The following CDH23 variants were observed in gnomAD, a reference collection of about 807,000 sequenced individuals.
The protein encoded by CDH23 is cadherin related 23.
A neutral mutation model predicts 317.1 loss-of-function variants in CDH23; 189 were observed. The ratio of observed to expected loss-of-function variants is 0.60; its 90% CI spans 0.53 to 0.67. CDH23 has a LOEUF of 0.67. CDH23 is among the 30% of genes least tolerant of loss of function. The pLI, the probability that CDH23 is intolerant of heterozygous loss-of-function variation, is 0.00. For synonymous variants in CDH23, 1,839 were observed against 1,876.8 expected (o/e 0.98, Z 0.52); for missense variants, 4,401 against 4,592.4 (o/e 0.96, Z 1.20).
intron 11 of CDH23, among the ~76,000 whole-genome samples, chr10:71,627,775 T>A (rs1300968721): frequency 6.6e-6 from 1 of 152,212 alleles, no homozygotes; most frequent in East Asian, 1.9e-4. Flanking sequence ...CCCACACTCC[T>A]GAGCAGGGCT....
chr10:71,448,344 T>C (rs1051160718), intron 3 of CDH23, among the ~76,000 whole-genome samples: 1 of 152,220 alleles, frequency 6.6e-6, no homozygotes, highest in Non-Finnish European at 1.5e-5. Context: ...TCGATCGGCC[T>C]CCGGAAGCAG....
At chr10:71,667,393 TGTGC>T (rs1468604131) in intron 14 of CDH23, among the ~76,000 whole-genome samples, 2,412 of 103,542 alleles carry the variant, frequency 0.023, 90 homozygotes, top group African/African-American at 0.076. Context: ...TGTGTGTGTG[TGTGC>T]GCGTGTGTGT....
intron 41 of CDH23, 150 bp from the exon 42 acceptor site, chr10:71,784,137 A>T: frequency 1.4e-6 from 1 of 697,630 alleles, no homozygotes; most frequent in Non-Finnish European, 2.3e-6. Flanking sequence ...TCTCATGAGG[A>T]TCTGAAGCTG....
intron 6 of CDH23, among the ~76,000 whole-genome samples, chr10:71,558,347 T>A (rs1856972230): frequency 1.3e-5 from 2 of 152,232 alleles, no homozygotes; most frequent in Non-Finnish European, 2.9e-5. Flanking sequence ...TGTTGGATAT[T>A]CTGAACTGCT....
intron 9 of CDH23, among the ~76,000 whole-genome samples, chr10:71,597,302 C>T (rs540255855): frequency 6.6e-6 from 1 of 152,256 alleles, no homozygotes; most frequent in South Asian, 2.1e-4. Context: ...TGGACCTCAC[C>T]TGTCACAGGC....
chr10:71,482,722 C>T (rs10999847), intron 3 of CDH23, among the ~76,000 whole-genome samples: 4 of 152,168 alleles, frequency 2.6e-5, no homozygotes, highest in Admixed American at 6.5e-5. Context: ...CAGGAAAAGC[C>T]GAGTGCGAAT....
At chr10:71,592,209 T>C (rs1486156053) in intron 9 of CDH23, among the ~76,000 whole-genome samples, 4 of 152,180 alleles carry the variant, frequency 2.6e-5, no homozygotes, top group Non-Finnish European at 5.9e-5. Context: ...GCTGTGAGGC[T>C]CAGGGTTCCC....
At chr10:71,727,300 CCACTGCCTCA>C (rs1319594754) in intron 30 of CDH23, among the ~76,000 whole-genome samples, 1 of 152,246 alleles carries the variant, frequency 6.6e-6, no homozygotes, top group African/African-American at 2.4e-5. Flanking sequence ...CCACTACACT[CCACTGCCTCA>C]CATAAGCCTC....
chr10:71,734,148 G>A, intron 32 of CDH23, 92 bp from the exon 33 acceptor site: 2 of 1,009,706 alleles, frequency 2.0e-6, no homozygotes, highest in Non-Finnish European at 3.1e-6. Context: ...GCCGGACAGA[G>A]GAAGTGACAT....
intron 6 of CDH23, among the ~76,000 whole-genome samples, chr10:71,557,694 T>C (rs1346489410): frequency 6.6e-6 from 1 of 152,222 alleles, no homozygotes; most frequent in Non-Finnish European, 1.5e-5. Context: ...ATAGTGTTCT[T>C]TATAATGTGA....
rs142535285 is a variant in CDH23, at chr10:71,435,436, T to G, written c.-5-4391T>G. 9.3e-3 allele frequency among the ~76,000 whole-genome samples: 1,412 copies of G among 152,344 alleles called. 27 individuals carry two copies. The highest frequency in any genetic ancestry group is 0.027 in the Middle Eastern group (8 of 294). ...CTCATGGCCCTATGTCCTCCCACTG[T>G]GCCTGGCACAAAGTTTGGCATGAAG... On this transcript the variant is annotated intron_variant, in intron 1 of 69. Coordinates refer to ENST00000224721, the MANE Select transcript of CDH23 (RefSeq NM_022124.6).
intron 3 of CDH23, among the ~76,000 whole-genome samples, chr10:71,449,177 C>T (rs139165488): frequency 1.3e-5 from 2 of 152,332 alleles, no homozygotes; most frequent in African/African-American, 4.8e-5. Context: ...GTCCTACAAG[C>T]CATGGGCTTT....
chr10:71,755,448 AG>A, intron 38 of CDH23: 1 of 1,612,558 alleles, frequency 6.2e-7, no homozygotes, highest in Non-Finnish European at 8.5e-7. Flanking sequence ...ACCCGTAGCC[AG>A]GGCTGCAGCC....
chr10:71,676,936 G>T (rs1309617430), intron 15 of CDH23, among the ~76,000 whole-genome samples: 1 of 152,146 alleles, frequency 6.6e-6, no homozygotes, highest in Admixed American at 6.5e-5. Context: ...ATTTAGATGA[G>T]GTAGTTGGAG....
At chr10:71,565,204 G>T (rs967726532) in intron 6 of CDH23, among the ~76,000 whole-genome samples, 21 of 152,130 alleles carry the variant, frequency 1.4e-4, no homozygotes, top group Admixed American at 2.0e-4. Context: ...TCCTTAAGGT[G>T]GGGGAGGGGT....
At chr10:71,575,110 C>G (rs1858096020) in intron 8 of CDH23, among the ~76,000 whole-genome samples, 2 of 152,222 alleles carry the variant, frequency 1.3e-5, no homozygotes, top group South Asian at 4.1e-4. Context: ...AGTGCCAGTT[C>G]TGCCCTGGAG....
chr10:71,578,025 C>T (rs1217583889), intron 9 of CDH23, 33 bp downstream of exon 9: 2 of 1,553,308 alleles, frequency 1.3e-6, no homozygotes, highest in African/African-American at 1.4e-5. Context: ...TCTCCTCTCA[C>T]CCCTCTGTCC....
chr10:71,538,362 CA>C (rs1855815390), intron 6 of CDH23, among the ~76,000 whole-genome samples: 1 of 152,116 alleles, frequency 6.6e-6, no homozygotes, highest in Admixed American at 6.6e-5. Flanking sequence ...ATCAACCTCC[CA>C]GATTCCAGAG....
chr10:71,688,585 G>C (rs1338036352), intron 19 of CDH23, among the ~76,000 whole-genome samples: 1 of 147,656 alleles, frequency 6.8e-6, no homozygotes, highest in South Asian at 2.2e-4. Context: ...GTGGAGTCAG[G>C]GGTGGTGGAG....
Sources: allele counts gnomAD v4.1 joint callset (sites outside exome capture counted in the v4.1 genomes callset), GRCh38; gene constraint gnomAD v4.1.1; transcripts MANE v1.5; gene names NCBI Gene and HGNC (gene_info 2026-07-23, HGNC 2026-07-21).